The following TNFRSF10B variants were observed in gnomAD, a reference collection of about 807,000 sequenced individuals.
The protein encoded by TNFRSF10B is tumor necrosis factor receptor superfamily member 10B.
Under a neutral mutation model 41.4 loss-of-function variants are expected in TNFRSF10B, and 35 were observed. The ratio of observed to expected loss-of-function variants is 0.85; its 90% CI spans 0.65 to 1.12. The LOEUF is 1.12. Ranked by LOEUF, TNFRSF10B falls within the 50% of genes most tolerant of loss-of-function variation. The pLI is 0.00. For synonymous variants in TNFRSF10B, 230 were observed against 215.5 expected (o/e 1.07, Z -0.59); for missense variants, 584 against 552.7 (o/e 1.06, Z -0.57).
chr8:23,031,545 A>G (rs7003706), intron 2 of TNFRSF10B, among the ~76,000 whole-genome samples: 127,559 of 151,700 alleles, frequency 0.84, 54,373 homozygotes, highest in East Asian at 0.98. Context: ...ACACCACCAC[A>G]CCGGGTTAAT....
rs748221230 is a variant in TNFRSF10B at position 23,024,197 on chromosome 8, G to T, written c.1000C>A (p.Pro334Thr). 6.2e-7 allele frequency: 1 copy of T among 1,614,068 alleles called. No individual in the cohort carries two copies. Among genetic ancestry groups the T allele is most frequent in the Non-Finnish European group, 8.5e-7 (1 of 1,179,994 alleles). The change falls in exon 8 of 9, where the codon CCC (proline) becomes ACC (threonine). Residue 334 changes from proline to threonine, a missense_variant. Transcript: ENST00000276431. Reference protein sequence around the residue: ...RLLVPANEGDPTETLRQCFDD... With the variant: ...RLLVPANEGDTTETLRQCFDD... Reference sequence around the variant, plus strand: ...GGAGCAAAACACTTACTCTCAGTGGGATCACCTTCATTTGCTGGAACCAGC... The same window carrying T: ...GGAGCAAAACACTTACTCTCAGTGGTATCACCTTCATTTGCTGGAACCAGC...
At chr8:23,024,350 C>T in intron 7 of TNFRSF10B, 90 bp from the exon 8 acceptor site, 7 of 1,351,488 alleles carry the variant, frequency 5.2e-6, no homozygotes, top group Non-Finnish European at 7.4e-6. Context: ...CTGAGACCTG[C>T]AGCACGTCAC....
chr8:23,028,282 G>A (rs1488373273), intron 5 of TNFRSF10B, 49 bp downstream of exon 5: 1 of 1,612,164 alleles, frequency 6.2e-7, no homozygotes. Flanking sequence ...AGGGTGGGAG[G>A]GGGCAGGGCA....
chr8:23,037,429 T>C (rs990723633), intron 2 of TNFRSF10B, among the ~76,000 whole-genome samples: 2 of 152,166 alleles, frequency 1.3e-5, no homozygotes, highest in African/African-American at 2.4e-5. Flanking sequence ...ACCATTTCTA[T>C]CATGGAGGGG....
At chr8:23,043,037 C>T in intron 2 of TNFRSF10B, 101 bp downstream of exon 2, 1 of 1,140,020 alleles carries the variant, frequency 8.8e-7, no homozygotes, top group East Asian at 2.6e-5. Flanking sequence ...CCCAATGCCT[C>T]TCTGTGGAAT....
chr8:23,027,505 T>C (rs1424372044), intron 6 of TNFRSF10B: 13 of 783,348 alleles, frequency 1.7e-5, no homozygotes, highest in Non-Finnish European at 2.7e-5. Flanking sequence ...GTGCAGGCTG[T>C]GGGGTGAGGA....
intron 1 of TNFRSF10B, among the ~76,000 whole-genome samples, chr8:23,053,252 C>T (rs1257947696): frequency 6.6e-6 from 1 of 152,084 alleles, no homozygotes; most frequent in Non-Finnish European, 1.5e-5. Context: ...GTCGTAGGCT[C>T]CATACCTAGT....
chr8:23,029,840 CCA>C, intron 3 of TNFRSF10B, 119 bp from the exon 4 acceptor site: 6 of 914,456 alleles, frequency 6.6e-6, no homozygotes, highest in Non-Finnish European at 1.0e-5. Context: ...GTTCTGAGGG[CCA>C]GTTTCTGCAC....
chr8:23,053,706 T>A (rs1005201468), intron 1 of TNFRSF10B, among the ~76,000 whole-genome samples: 20 of 152,216 alleles, frequency 1.3e-4, no homozygotes, highest in African/African-American at 4.3e-4. Flanking sequence ...TGGTCAAACA[T>A]TAAAATTGGG....
intron 1 of TNFRSF10B, among the ~76,000 whole-genome samples, chr8:23,059,574 T>A (rs191399905): frequency 4.4e-4 from 67 of 152,346 alleles, no homozygotes; most frequent in Admixed American, 1.5e-3. Context: ...TGGTGCCATC[T>A]CAGCTCACTG....
chr8:23,056,370 T>C (rs1812666352), intron 1 of TNFRSF10B, among the ~76,000 whole-genome samples: 1 of 152,100 alleles, frequency 6.6e-6, no homozygotes, highest in African/African-American at 2.4e-5. Flanking sequence ...TTATGAAATG[T>C]GAAGTTAAGT....
At position 23,022,013 on chromosome 8, in the gene TNFRSF10B, C is replaced by A. The variant is rs534682551; in HGVS notation, c.*658G>T. 3.8e-5 allele frequency: 17 copies of A among 451,504 alleles called. No individual in the cohort carries two copies. Among genetic ancestry groups the A allele is most frequent in the South Asian group, 2.6e-4 (17 of 64,268 alleles). The allele number at this position is 451,504 out of a possible 1,614,324, so 28.0% of individuals were successfully genotyped here. A position where few individuals can be genotyped will look rare whatever the true frequency, so the allele number is the denominator to read the frequency against. On this transcript the variant is annotated 3_prime_UTR_variant, in exon 9 of 9. Transcript: ENST00000276431. The stretch of plus-strand genomic sequence containing the variant: ...GGGGCTCACGCCTCTAATTCCACCG[C>A]TTTGGGAGTCTGAGGTGGGCAGACT...
At position 23,042,981 on chromosome 8, in the gene TNFRSF10B, T is replaced by C. The variant is rs572925834; in HGVS notation, c.250+157A>G. The stretch of plus-strand genomic sequence containing the variant: ...CATTCATTTGTGTGTCTTGATACCA[T>C]CCTAGCAGGAAGGCTCCAGAAGGAC... On this transcript the variant is annotated intron_variant, in intron 2 of 8. Coordinates refer to ENST00000276431, the MANE Select transcript of TNFRSF10B (RefSeq NM_003842.5). 47 of 641,708 alleles carry C rather than the reference T, an allele frequency of 7.3e-5. No individual in the cohort carries two copies. The East Asian group carries it at 1.0e-3, about 14-fold the overall frequency. The allele number at this position is 641,708 out of a possible 1,614,324, so 39.8% of individuals were successfully genotyped here. A position where few individuals can be genotyped will look rare whatever the true frequency, so the allele number is the denominator to read the frequency against.
At chr8:23,042,201 T>C (rs1313905298) in intron 2 of TNFRSF10B, among the ~76,000 whole-genome samples, 1 of 152,242 alleles carries the variant, frequency 6.6e-6, no homozygotes, top group Non-Finnish European at 1.5e-5. Flanking sequence ...TGTGTCTGCT[T>C]CACGCTGGGT....
chr8:23,023,104 T>A, intron 8 of TNFRSF10B, 120 bp from the exon 9 acceptor site: 1 of 1,309,422 alleles, frequency 7.6e-7, no homozygotes, highest in Non-Finnish European at 1.1e-6. Flanking sequence ...CGGGCAAACC[T>A]GCCGCTCCAG....
chr8:23,022,616 T>C lies in TNFRSF10B; in HGVS notation c.*55A>G. 1 of 1,608,118 alleles carries C rather than the reference T, an allele frequency of 6.2e-7. No homozygotes were observed. The highest frequency in any genetic ancestry group is 8.5e-7 in the Non-Finnish European group (1 of 1,176,010). On this transcript the variant is annotated 3_prime_UTR_variant, in exon 9 of 9. Coordinates refer to ENST00000276431, the MANE Select transcript of TNFRSF10B (RefSeq NM_003842.5). ...CTACTGACTGGAGTCCAGTTGGGCT[T>C]TTTCCAGAAAAAAGGTAAACCAGGG...
chr8:23,028,097 C>T, intron 5 of TNFRSF10B: 1 of 626,412 alleles, frequency 1.6e-6, no homozygotes, highest in East Asian at 2.8e-5. Flanking sequence ...GCCCTGCCCT[C>T]CTGGACTTGG....
At position 23,046,264 on chromosome 8, in the gene TNFRSF10B, A is replaced by T. The variant is rs190319785; in HGVS notation, c.145-3021T>A. The stretch of plus-strand genomic sequence containing the variant: ...AGGTTGTGGGATACAAAATCAACAT[A>T]TGAAAATCAGTAGCATTTCTATATA... On this transcript the variant is annotated intron_variant, in intron 1 of 8. Transcript: ENST00000276431. 3.3e-5 allele frequency among the ~76,000 whole-genome samples: 5 copies of T among 152,310 alleles called. No individual in the cohort carries two copies. In the East Asian group the frequency reaches 9.6e-4, roughly 29 times the overall value.
chr8:23,030,164 G>C (rs1009592884), intron 3 of TNFRSF10B, among the ~76,000 whole-genome samples: 3 of 152,158 alleles, frequency 2.0e-5, no homozygotes, highest in African/African-American at 7.2e-5. Context: ...CCAGGGGAGA[G>C]AGCCTGGCCC....
Sources: gnomAD v4.1 joint callset for allele counts (sites outside exome capture counted in the v4.1 genomes callset) on GRCh38, gnomAD v4.1.1 for gene constraint, MANE v1.5 for transcripts, NCBI Gene and HGNC (gene_info 2026-07-23, HGNC 2026-07-21) for gene names.